Variants in DPP6 observed in about 807,000 individuals in gnomAD.
The protein encoded by DPP6 is dipeptidyl peptidase like 6, also known as A-type potassium channel modulatory protein DPP6.
Under a neutral mutation model 122.6 loss-of-function variants are expected in DPP6, and 69 were observed. The ratio of observed to expected loss-of-function variants is 0.56; its 90% CI spans 0.46 to 0.69. The LOEUF (loss-of-function observed/expected upper bound fraction) is 0.69. Among genes scored for constraint, DPP6 ranks in the 30% least tolerant of loss-of-function variants. The probability of loss-of-function intolerance (pLI) is 0.00; values close to 1 mark genes in which losing one functional copy is unlikely to be tolerated. For synonymous variants in DPP6, 418 were observed against 433.1 expected (o/e 0.97, Z 0.43); for missense variants, 928 against 1,116.9 (o/e 0.83, Z 2.41).
At chr7:154,415,824 T>C (rs2151216104) in intron 1 of DPP6, among the ~76,000 whole-genome samples, 2 of 151,212 alleles carry the variant, frequency 1.3e-5, no homozygotes, top group African/African-American at 4.9e-5. Flanking sequence ...GACACCTCCT[T>C]TGAGGCATCC....
intron 1 of DPP6, among the ~76,000 whole-genome samples, chr7:154,421,157 G>T (rs1220265914): frequency 7.4e-5 from 3 of 40,672 alleles, no homozygotes; most frequent in Non-Finnish European, 1.4e-4. Context: ...ATATAACAAT[G>T]CCTAATTTTC....
chr7:154,761,190 A>T (rs775491518), intron 8 of DPP6, among the ~76,000 whole-genome samples: 7 of 152,188 alleles, frequency 4.6e-5, no homozygotes, highest in Non-Finnish European at 1.0e-4. Context: ...AATGGCATAA[A>T]ACTGCAAGTC....
At chr7:154,541,632 G>T (rs2130263988) in intron 4 of DPP6, among the ~76,000 whole-genome samples, 1 of 152,254 alleles carries the variant, frequency 6.6e-6, no homozygotes, top group African/African-American at 2.4e-5. Context: ...TTGAGACACT[G>T]GGGAAATCAA....
intron 1 of DPP6, among the ~76,000 whole-genome samples, chr7:154,029,484 T>C (rs1486038148): frequency 2.0e-5 from 3 of 151,114 alleles, no homozygotes; most frequent in Non-Finnish European, 4.4e-5. Context: ...ACCACTGTAC[T>C]CCAGCCTGGG....
the DPP6 span, among the ~76,000 whole-genome samples, chr7:153,808,409 G>C: frequency 6.9e-6 from 1 of 144,212 alleles, no homozygotes; most frequent in Non-Finnish European, 1.5e-5. Context: ...GTGTGTGCCT[G>C]TATGTGTGTC....
intron 1 of DPP6, among the ~76,000 whole-genome samples, chr7:154,228,491 A>G (rs912831384): frequency 6.6e-6 from 1 of 152,220 alleles, no homozygotes; most frequent in African/African-American, 2.4e-5. Flanking sequence ...AATGTCAAAG[A>G]TACCGCTTGG....
At chr7:153,749,052 C>A in the DPP6 span, among the ~76,000 whole-genome samples, 1 of 152,066 alleles carries the variant, frequency 6.6e-6, no homozygotes, top group Non-Finnish European at 1.5e-5. The surrounding 1 kb of genome is among the most constrained non-coding windows in gnomAD (Gnocchi z 4.1). Flanking sequence ...GGGCGTGGGG[C>A]GCAGATGGAG....
At chr7:154,658,703 T>G (rs1476061118) in intron 6 of DPP6, among the ~76,000 whole-genome samples, 3 of 152,174 alleles carry the variant, frequency 2.0e-5, no homozygotes, top group Non-Finnish European at 4.4e-5. Flanking sequence ...GCCCCACACC[T>G]CCTTGTCCCT....
At chr7:154,588,227 G>A in intron 5 of DPP6, 1 of 1,401,810 alleles carries the variant, frequency 7.1e-7, no homozygotes, top group Non-Finnish European at 9.4e-7. Context: ...AGAGGAGGGA[G>A]GGAGGGACCC....
At chr7:154,883,069 A>ATGCTCACCCATACACC in intron 21 of DPP6, among the ~76,000 whole-genome samples, 1 of 149,900 alleles carries the variant, frequency 6.7e-6, no homozygotes, top group African/African-American at 2.5e-5. Context: ...ATTCACACAC[A>ATGCTCACCCATACACC]TGCTCACCCA....
chr7:154,044,497 A>G (rs543271117), intron 1 of DPP6, among the ~76,000 whole-genome samples: 1 of 152,292 alleles, frequency 6.6e-6, no homozygotes, highest in South Asian at 2.1e-4. Context: ...CATTCTCCAT[A>G]TTTAAGATCT....
At chr7:154,584,120 T>C (rs1461108194) in intron 5 of DPP6, among the ~76,000 whole-genome samples, 1 of 152,186 alleles carries the variant, frequency 6.6e-6, no homozygotes, top group Non-Finnish European at 1.5e-5. Flanking sequence ...CTTCAATCTG[T>C]GCTGGCCACG....
At chr7:154,714,309 A>G (rs1841358357) in intron 7 of DPP6, among the ~76,000 whole-genome samples, 1 of 152,196 alleles carries the variant, frequency 6.6e-6, no homozygotes, top group East Asian at 1.9e-4. Flanking sequence ...ACCCAGTTCC[A>G]AAGTAGCTTC....
At chr7:154,693,070 G>T (rs1214223638) in intron 7 of DPP6, among the ~76,000 whole-genome samples, 1 of 152,052 alleles carries the variant, frequency 6.6e-6, no homozygotes, top group Non-Finnish European at 1.5e-5. Context: ...GGGATTACAG[G>T]TGTGAGCCAC....
chr7:154,263,032 G>T (rs189836571), intron 1 of DPP6, among the ~76,000 whole-genome samples: 2 of 152,228 alleles, frequency 1.3e-5, no homozygotes, highest in Non-Finnish European at 2.9e-5. Context: ...TACTGACTCC[G>T]TAATACTTCA....
chr7:154,885,841 C>T, intron 22 of DPP6, 97 bp downstream of exon 22: 1 of 1,491,788 alleles, frequency 6.7e-7, no homozygotes, highest in Non-Finnish European at 9.0e-7. Flanking sequence ...GCACCACCGT[C>T]CCGCTAACCA....
intron 7 of DPP6, among the ~76,000 whole-genome samples, chr7:154,724,696 G>A (rs564508450): frequency 9.2e-5 from 14 of 152,002 alleles, no homozygotes; most frequent in African/African-American, 2.9e-4. Context: ...GTATGATTCC[G>A]CTTGTATGAG....
At chr7:153,774,033 A>G in the DPP6 span, among the ~76,000 whole-genome samples, 3 of 152,298 alleles carry the variant, frequency 2.0e-5, no homozygotes, top group South Asian at 4.1e-4. Context: ...TTCTATGCCC[A>G]TAAGCTTATA....
At chr7:154,647,813 T>C (rs1836588765) in intron 6 of DPP6, among the ~76,000 whole-genome samples, 1 of 152,192 alleles carries the variant, frequency 6.6e-6, no homozygotes. Flanking sequence ...CAGCCATTAA[T>C]CTCCTGGGAG....
Sources: gnomAD v4.1 joint callset for allele counts (sites outside exome capture counted in the v4.1 genomes callset) on GRCh38, gnomAD v4.1.1 for gene constraint, Gnocchi (gnomAD v3.1) non-coding constraint, MANE v1.5 for transcripts, NCBI Gene and HGNC (gene_info 2026-07-23, HGNC 2026-07-21) for gene names.